RABL3: variants seen among roughly 807,000 people sequenced by gnomAD.
RABL3 encodes RAB, member of RAS oncogene family like 3.
A neutral mutation model predicts 31.8 loss-of-function variants in RABL3; 31 were observed. The ratio of observed to expected loss-of-function variants is 0.97; its 90% confidence interval spans 0.73 to 1.31. The LOEUF is 1.31. Among genes scored for constraint, RABL3 ranks in the 40% most tolerant of loss-of-function variants. RABL3 has a pLI of 0.00. For missense variants in RABL3, 263 were observed against 279.6 expected, an observed-to-expected ratio of 0.94 and a Z score of 0.42; for synonymous variants, 97 against 99.9, an observed-to-expected ratio of 0.97 and a Z score of 0.18.
At chr3:120,735,016 G>A (rs1246125750) in intron 1 of RABL3, among the ~76,000 whole-genome samples, 1 of 152,154 alleles carries the variant, frequency 6.6e-6, no homozygotes, top group East Asian at 1.9e-4. Flanking sequence ...TTTTTTTGTT[G>A]TGTCTCTGCC....
At chr3:120,721,978 C>A (rs572829639) in intron 2 of RABL3, 7 of 152,300 alleles carry the variant, frequency 4.6e-5, no homozygotes, top group Non-Finnish European at 5.9e-5. Context: ...AACAAACTGT[C>A]TCTCAGACCA....
At chr3:120,719,511 C>G (rs924338998) in intron 2 of RABL3, among the ~76,000 whole-genome samples, 2 of 152,360 alleles carry the variant, frequency 1.3e-5, no homozygotes, top group African/African-American at 4.8e-5. Context: ...TAATACTGCG[C>G]TTTTCCAACG....
In RABL3 at chr3:120,702,560, C is replaced by CT. The variant is rs977105954; in HGVS notation, c.383+3439dup. Reference sequence around the variant, plus strand: ...CAAATACAGAGGAAGGGAAATTTTTCTTTTTTTTTTTTTTTGAGACGGAGT... The same window carrying CT: ...CAAATACAGAGGAAGGGAAATTTTTCTTTTTTTTTTTTTTTTGAGACGGAGT... On this transcript the variant is annotated intron_variant, in intron 4 of 7. Transcript: ENST00000273375. 3.5e-3 allele frequency among the ~76,000 whole-genome samples: 497 copies of CT among 140,836 alleles called. 2 individuals are homozygous for CT. The highest frequency in any genetic ancestry group is 0.011 in the Middle Eastern group (3 of 274). The allele number at this position is 140,836 out of a possible 152,430, so 92.4% of individuals were successfully genotyped here. A position where few individuals can be genotyped will look rare whatever the true frequency, so the allele number is the denominator to read the frequency against.
At chr3:120,718,851 A>T (rs1055347391) in intron 2 of RABL3, among the ~76,000 whole-genome samples, 8 of 152,264 alleles carry the variant, frequency 5.3e-5, no homozygotes, top group Non-Finnish European at 1.0e-4. Context: ...TTCGAGGTAC[A>T]ATGTATTACC....
chr3:120,732,248 A>G (rs1413222243), intron 1 of RABL3, among the ~76,000 whole-genome samples: 8 of 152,134 alleles, frequency 5.3e-5, no homozygotes, highest in Non-Finnish European at 8.8e-5. Context: ...CCCTTCCCTC[A>G]CCCATTGGCC....
intron 1 of RABL3, among the ~76,000 whole-genome samples, chr3:120,731,470 GTCT>G (rs1424311981): frequency 2.6e-5 from 4 of 152,178 alleles, no homozygotes; most frequent in African/African-American, 7.2e-5. Flanking sequence ...TCACCATTTG[GTCT>G]TCTTTTAGAT....
chr3:120,703,421 C>T (rs534287116), intron 4 of RABL3, among the ~76,000 whole-genome samples: 1 of 152,074 alleles, frequency 6.6e-6, no homozygotes, highest in South Asian at 2.1e-4. Flanking sequence ...TAAACATTTG[C>T]AGGATGCAGC....
chr3:120,725,015 C>T (rs1166658332), intron 2 of RABL3, among the ~76,000 whole-genome samples: 1 of 151,854 alleles, frequency 6.6e-6, no homozygotes, highest in Non-Finnish European at 1.5e-5. Context: ...GAACAGGCAA[C>T]CTACAGAATG....
chr3:120,721,187 A>G (rs1392846981), intron 2 of RABL3, among the ~76,000 whole-genome samples: 4 of 152,238 alleles, frequency 2.6e-5, no homozygotes, highest in Admixed American at 1.3e-4. Context: ...TGAAGGAAGC[A>G]CTAAATATGG....
At chr3:120,706,198 A>G (rs971076917) in intron 3 of RABL3, 84 bp from the exon 4 acceptor site, 1 of 832,540 alleles carries the variant, frequency 1.2e-6, no homozygotes, top group Non-Finnish European at 2.0e-6. Flanking sequence ...TAGTAAACAG[A>G]AGCATTAGGT....
chr3:120,698,823 C>T (rs1708466095), intron 4 of RABL3, among the ~76,000 whole-genome samples: 2 of 152,126 alleles, frequency 1.3e-5, no homozygotes, highest in Admixed American at 6.6e-5. Context: ...GAATATTGAA[C>T]AATACTGAAT....
chr3:120,689,149 G>T lies in RABL3; in HGVS notation c.*674C>A, dbSNP rs1708349583. On this transcript the variant is annotated 3_prime_UTR_variant, in exon 8 of 8. Coordinates refer to ENST00000273375, the MANE Select transcript of RABL3 (RefSeq NM_173825.5). ...GTCAATTTTTCACATCATTTTACCA[G>T]AATTCTTTTTTTCTGGTATTGCTGT... The T allele has an allele frequency of 6.6e-6, 1 of 152,110 alleles. No homozygotes were observed. The highest frequency in any genetic ancestry group is 6.5e-5 in the Admixed American group (1 of 15,280). The allele number at this position is 152,110 out of a possible 1,614,324, so 9.4% of individuals were successfully genotyped here.
intron 2 of RABL3, among the ~76,000 whole-genome samples, chr3:120,720,533 C>T (rs1474937489): frequency 3.9e-5 from 6 of 151,942 alleles, no homozygotes; most frequent in South Asian, 2.1e-4. Context: ...AACTACGTGA[C>T]GAATGCACAA....
intron 1 of RABL3, among the ~76,000 whole-genome samples, chr3:120,733,536 T>C (rs1484572536): frequency 2.0e-5 from 3 of 152,234 alleles, no homozygotes; most frequent in Non-Finnish European, 4.4e-5. Context: ...GGTAGTTTCT[T>C]TTGCTGTGCA....
chr3:120,722,386 C>T (rs1407568000), intron 2 of RABL3: 1 of 152,118 alleles, frequency 6.6e-6, no homozygotes, highest in African/African-American at 2.4e-5. Flanking sequence ...ATGACTTTTT[C>T]AACAAGATAT....
At chr3:120,707,102 A>G (rs761516714) in intron 3 of RABL3, among the ~76,000 whole-genome samples, 2 of 152,184 alleles carry the variant, frequency 1.3e-5, no homozygotes, top group Non-Finnish European at 2.9e-5. Flanking sequence ...TGATTCCTCC[A>G]TCTTCAAGAG....
chr3:120,697,697 A>C (rs1180941205), intron 5 of RABL3, among the ~76,000 whole-genome samples: 1 of 152,204 alleles, frequency 6.6e-6, no homozygotes, highest in Non-Finnish European at 1.5e-5. Context: ...GTCCTTATGA[A>C]GCACTCCTAG....
At chr3:120,727,866 T>C (rs1464323161) in intron 2 of RABL3, among the ~76,000 whole-genome samples, 1 of 152,204 alleles carries the variant, frequency 6.6e-6, no homozygotes, top group Non-Finnish European at 1.5e-5. Flanking sequence ...AAGAGGCAAC[T>C]GGTAAAATTG....
chr3:120,700,996 G>C (rs376250423), intron 4 of RABL3, among the ~76,000 whole-genome samples: 2 of 152,192 alleles, frequency 1.3e-5, no homozygotes, highest in East Asian at 1.9e-4. Context: ...ATGCTAAGCA[G>C]TCTTGCTCCT....
Sources: allele counts gnomAD v4.1 joint callset (sites outside exome capture counted in the v4.1 genomes callset), GRCh38; gene constraint gnomAD v4.1.1; transcripts MANE v1.5; gene names NCBI Gene and HGNC (gene_info 2026-07-23, HGNC 2026-07-21).